The following PTPRN2 variants were observed in gnomAD, a reference collection of about 807,000 sequenced individuals.
PTPRN2 encodes protein tyrosine phosphatase receptor type N2, also known as receptor-type tyrosine-protein phosphatase N2.
Under a neutral mutation model 118.8 loss-of-function variants are expected in PTPRN2, and 74 were observed. That is an observed-to-expected ratio of 0.62 (90% CI 0.52 to 0.76). The LOEUF (loss-of-function observed/expected upper bound fraction) is 0.76. PTPRN2 is among the 30% of genes least tolerant of loss of function. PTPRN2 has a pLI of 0.00. For synonymous variants in PTPRN2, 641 were observed against 608.0 expected, an observed-to-expected ratio of 1.05 and a Z score of -0.80; for missense variants, 1,481 against 1,394.4, an observed-to-expected ratio of 1.06 and a Z score of -0.99.
chr7:158,413,185 A>C (rs977106977), intron 2 of PTPRN2, among the ~76,000 whole-genome samples: 2 of 152,226 alleles, frequency 1.3e-5, no homozygotes, highest in Non-Finnish European at 2.9e-5. Flanking sequence ...AGCAGACTTG[A>C]TAACAGATGC....
chr7:158,192,554 C>T, intron 4 of PTPRN2, 59 bp from the exon 5 acceptor site: 1 of 1,519,596 alleles, frequency 6.6e-7, no homozygotes, highest in South Asian at 1.3e-5. Flanking sequence ...TGGAGCTGCT[C>T]TGTCCCCTGT....
chr7:157,951,687 G>A (rs1389123943), intron 11 of PTPRN2, among the ~76,000 whole-genome samples: 1 of 152,254 alleles, frequency 6.6e-6, no homozygotes. Context: ...TCAGGCCTCA[G>A]GCACTGCCAG....
intron 1 of PTPRN2, among the ~76,000 whole-genome samples, chr7:158,498,235 G>C (rs984718120): frequency 3.9e-5 from 6 of 152,256 alleles, no homozygotes; most frequent in Admixed American, 2.0e-4. Context: ...CACCCTGGAA[G>C]AAGGGCAGCG....
chr7:158,068,463 A>C (rs1407470980), intron 11 of PTPRN2, among the ~76,000 whole-genome samples: 2 of 152,202 alleles, frequency 1.3e-5, no homozygotes, highest in Admixed American at 6.5e-5. Flanking sequence ...TGCACTCGGC[A>C]CCACCTTTGC....
chr7:157,984,196 G>A (rs1803536075), intron 11 of PTPRN2, among the ~76,000 whole-genome samples: 1 of 151,736 alleles, frequency 6.6e-6, no homozygotes. Context: ...GTAAACCAGC[G>A]TCCCTGCCTG....
chr7:158,369,880 C>T (rs1178716276), intron 2 of PTPRN2, among the ~76,000 whole-genome samples: 8 of 152,202 alleles, frequency 5.3e-5, no homozygotes, highest in Non-Finnish European at 2.9e-5. Context: ...AAGATAACAG[C>T]ACTCCAGAAG....
At chr7:158,559,123 T>C (rs951417302) in intron 1 of PTPRN2, among the ~76,000 whole-genome samples, 25 of 152,234 alleles carry the variant, frequency 1.6e-4, no homozygotes, top group African/African-American at 6.0e-4. Context: ...GCAGGAATTC[T>C]TCCAGTGCTT....
In PTPRN2 at chr7:157,551,687, C is replaced by A. The variant is rs566885072; in HGVS notation, c.2903-2668G>T. ...CACCCCACGGGCACCACACACCCCA[C>A]AGCCACCACACACCCCACAGCCACC... On this transcript the variant is annotated intron_variant, in intron 21 of 22. Transcript: ENST00000389418. Among the ~76,000 whole-genome samples the A allele has an allele frequency of 4.8e-5, 7 of 146,214 alleles. No individual in the cohort carries two copies. The South Asian group carries it at 1.5e-3, about 32-fold the overall frequency.
chr7:158,302,411 G>A (rs367600274), intron 3 of PTPRN2, among the ~76,000 whole-genome samples: 16 of 152,302 alleles, frequency 1.1e-4, no homozygotes, highest in African/African-American at 2.9e-4. Flanking sequence ...CCCCAGCTCC[G>A]GCTGCAGAGC....
At chr7:158,191,859 G>T (rs1162328310) in intron 5 of PTPRN2, among the ~76,000 whole-genome samples, 4 of 152,104 alleles carry the variant, frequency 2.6e-5, no homozygotes, top group African/African-American at 9.7e-5. Flanking sequence ...TGCCCCCGGG[G>T]CAGGCTTGCC....
At chr7:158,089,483 A>T (rs1465880607) in intron 10 of PTPRN2, among the ~76,000 whole-genome samples, 2 of 123,416 alleles carry the variant, frequency 1.6e-5, no homozygotes, top group East Asian at 2.8e-4. Context: ...CTTCACACAA[A>T]CCTTCTTCCC....
At chr7:157,566,217 G>A (rs367564889) in intron 21 of PTPRN2, among the ~76,000 whole-genome samples, 7 of 152,234 alleles carry the variant, frequency 4.6e-5, no homozygotes, top group African/African-American at 1.2e-4. Context: ...CCGACTGCCC[G>A]GGAAGCTTGG....
At chr7:158,322,932 G>T (rs1160019530) in intron 2 of PTPRN2, among the ~76,000 whole-genome samples, 1 of 152,234 alleles carries the variant, frequency 6.6e-6, no homozygotes, top group Non-Finnish European at 1.5e-5. Context: ...GAGGATGGTG[G>T]TCATGGAGAC....
chr7:158,302,786 T>C (rs1800989456), intron 3 of PTPRN2, among the ~76,000 whole-genome samples: 1 of 152,236 alleles, frequency 6.6e-6, no homozygotes, highest in African/African-American at 2.4e-5. Context: ...CTCTTTCAAG[T>C]GGTCCATGAG....
intron 2 of PTPRN2, among the ~76,000 whole-genome samples, chr7:158,365,644 GCCCAA>G (rs1809379509): frequency 1.4e-5 from 2 of 144,236 alleles, no homozygotes; most frequent in Admixed American, 1.3e-4. Flanking sequence ...AGAAGCCGCA[GCCCAA>G]TGCACACGCA....
At chr7:157,628,565 G>A (rs768593785) in intron 14 of PTPRN2, among the ~76,000 whole-genome samples, 8 of 152,348 alleles carry the variant, frequency 5.3e-5, no homozygotes, top group African/African-American at 9.6e-5. Flanking sequence ...ACTTTTTGGC[G>A]TGGAGCCTTC....
chr7:157,824,297 G>A (rs148861228), intron 12 of PTPRN2, among the ~76,000 whole-genome samples: 446 of 152,354 alleles, frequency 2.9e-3, no homozygotes, highest in Non-Finnish European at 5.4e-3. Flanking sequence ...GGCAGGGGGC[G>A]AGCTTGTTGT....
intron 12 of PTPRN2, among the ~76,000 whole-genome samples, chr7:157,685,662 C>A (rs1735513275): frequency 6.6e-6 from 1 of 152,154 alleles, no homozygotes; most frequent in African/African-American, 2.4e-5. Flanking sequence ...ACCCTCGACA[C>A]GCTCCGCACG....
chr7:158,143,009 G>A lies in PTPRN2; in HGVS notation c.911-4494C>T, dbSNP rs929642957. ...GAATCAGAAGAGCCATCTCAGCCTC[G>A]CAACCGAGCCACCGAGCCACGAGCC... On this transcript the variant is annotated intron_variant, in intron 6 of 22. Transcript: ENST00000389418. Among the ~76,000 whole-genome samples the A allele has an allele frequency of 2.6e-5, 4 of 152,018 alleles. No individual in the cohort carries two copies. In the East Asian group the frequency reaches 5.8e-4, roughly 22 times the overall value.
Sources: gnomAD v4.1 joint callset for allele counts (sites outside exome capture counted in the v4.1 genomes callset) on GRCh38, gnomAD v4.1.1 for gene constraint, MANE v1.5 for transcripts, NCBI Gene and HGNC (gene_info 2026-07-23, HGNC 2026-07-21) for gene names.